ITGA8: variants seen among roughly 807,000 people sequenced by gnomAD.
ITGA8 encodes integrin subunit alpha 8.
In ITGA8, 91 loss-of-function variants were observed where a neutral mutation model predicts 142.3. That is an observed-to-expected ratio of 0.64 (90% CI 0.54 to 0.76). The LOEUF (loss-of-function observed/expected upper bound fraction) is 0.76, where lower values mean the gene tolerates loss of function less well. ITGA8 is among the 30% of genes least tolerant of loss of function. ITGA8 has a pLI of 0.00. For missense variants in ITGA8, 1,406 were observed against 1,327.7 expected, an observed-to-expected ratio of 1.06 and a Z score of -0.92; for synonymous variants, 505 against 485.2, an observed-to-expected ratio of 1.04 and a Z score of -0.54.
chr10:15,656,379 T>A (rs962464483), intron 10 of ITGA8, among the ~76,000 whole-genome samples: 1 of 152,036 alleles, frequency 6.6e-6, no homozygotes, highest in East Asian at 1.9e-4. Flanking sequence ...TTATTTATTT[T>A]TTGAGATGAA....
At chr10:15,660,983 ACGC>A in intron 8 of ITGA8, 61 bp from the exon 9 acceptor site, 5 of 1,346,108 alleles carry the variant, frequency 3.7e-6, no homozygotes, top group Non-Finnish European at 5.3e-6. Flanking sequence ...ACACACACAC[ACGC>A]CATATACTAA....
chr10:15,712,682 A>G (rs189276951), intron 2 of ITGA8, among the ~76,000 whole-genome samples: 12 of 152,290 alleles, frequency 7.9e-5, no homozygotes, highest in Admixed American at 1.3e-4. Context: ...CCCTGAGCTG[A>G]GCTTTTTCGT....
At chr10:15,632,269 G>A (rs1833697763) in intron 13 of ITGA8, among the ~76,000 whole-genome samples, 1 of 152,072 alleles carries the variant, frequency 6.6e-6, no homozygotes, top group African/African-American at 2.4e-5. Flanking sequence ...TCTTCAAAGG[G>A]GAGTCAGAAA....
At chr10:15,640,806 G>T (rs1833857227) in intron 13 of ITGA8, among the ~76,000 whole-genome samples, 1 of 152,180 alleles carries the variant, frequency 6.6e-6, no homozygotes, top group African/African-American at 2.4e-5. Flanking sequence ...GACTGAAAGA[G>T]GCTAACAGAG....
intron 8 of ITGA8, among the ~76,000 whole-genome samples, chr10:15,670,289 C>T (rs1470353393): frequency 6.6e-6 from 1 of 152,144 alleles, no homozygotes; most frequent in Non-Finnish European, 1.5e-5. Flanking sequence ...CATTTATTGC[C>T]TTGTATCTAA....
intron 2 of ITGA8, among the ~76,000 whole-genome samples, chr10:15,716,669 T>C (rs952968340): frequency 1.6e-5 from 1 of 61,754 alleles, no homozygotes; most frequent in African/African-American, 5.8e-5. Flanking sequence ...TAACCTATTG[T>C]ATTTTTTTTT....
chr10:15,657,509 C>CTTTTTTTTT lies in ITGA8; in HGVS notation c.948+1489_948+1490insAAAAAAAAA, dbSNP rs534714654. Among the ~76,000 whole-genome samples the CTTTTTTTTT allele has an allele frequency of 3.7e-3, 429 of 116,316 alleles. 19 individuals carry two copies. Among genetic ancestry groups the CTTTTTTTTT allele is most frequent in the South Asian group, 5.3e-3 (18 of 3,388 alleles). 76.3% of individuals were successfully genotyped at this position (116,316 alleles called of 152,430 possible). The stretch of plus-strand genomic sequence containing the variant: ...CTGCTGGTTTCTTTTTCTTTTCTTT[C>CTTTTTTTTT]ATTTTTTTTTTTTTTTTTTTTTAAC... On this transcript the variant is annotated intron_variant, in intron 10 of 29. Transcript: ENST00000378076.
intron 26 of ITGA8, among the ~76,000 whole-genome samples, chr10:15,554,750 T>TCTTTCTTTCTTTCTTTCTTTCTTTCTTTC (rs141466954): frequency 6.8e-6 from 1 of 147,498 alleles, no homozygotes; most frequent in African/African-American, 2.5e-5. Flanking sequence ...TTTCTTTCTT[T>TCTTTCTTTCTTTCTTTCTTTCTTTCTTTC]TTTTTTTAAT....
intron 12 of ITGA8, among the ~76,000 whole-genome samples, chr10:15,645,685 A>G (rs572047798): frequency 6.6e-6 from 1 of 152,344 alleles, no homozygotes; most frequent in East Asian, 1.9e-4. Context: ...TTCCAAGGCT[A>G]CTTTGTTACA....
chr10:15,546,627 C>T (rs1833675011), intron 27 of ITGA8, among the ~76,000 whole-genome samples: 3 of 151,684 alleles, frequency 2.0e-5, no homozygotes, highest in Admixed American at 6.6e-5. Context: ...ACAGCGCGAT[C>T]TGGTCTAAAA....
At chr10:15,547,902 A>G (rs1751339786) in intron 27 of ITGA8, among the ~76,000 whole-genome samples, 1 of 152,168 alleles carries the variant, frequency 6.6e-6, no homozygotes, top group African/African-American at 2.4e-5. Context: ...ACAGTGGACT[A>G]AGTACATTTT....
At chr10:15,665,875 T>C (rs1342224193) in intron 8 of ITGA8, among the ~76,000 whole-genome samples, 3 of 152,210 alleles carry the variant, frequency 2.0e-5, no homozygotes, top group Non-Finnish European at 2.9e-5. Context: ...CATTGATCTA[T>C]ATCTCTGTTT....
intron 20 of ITGA8, among the ~76,000 whole-genome samples, chr10:15,601,123 C>G (rs1013807437): frequency 6.6e-6 from 1 of 151,942 alleles, no homozygotes; most frequent in Non-Finnish European, 1.5e-5. Context: ...CCTGTAATCC[C>G]AGCTACCCGG....
chr10:15,604,057 G>T, intron 20 of ITGA8, 151 bp downstream of exon 20: 1 of 685,242 alleles, frequency 1.5e-6, no homozygotes, highest in Non-Finnish European at 2.5e-6. Context: ...CCTGCTTTGT[G>T]GCTCATTGCT....
At position 15,688,026 on chromosome 10, in the gene ITGA8, A is replaced by T. The variant is rs1459263489; in HGVS notation, c.356T>A (p.Ile119Asn). Reference protein sequence around the residue: ...IPFDTTNNRKIRVNGTKEPIE... With the variant: ...IPFDTTNNRKNRVNGTKEPIE... ...AGGTTCTTTGGTTCCATTAACTCTG[A>T]TCTTTCTGTTGTCTGTCAAAGAAGA... Residue 119 changes from isoleucine (I) to asparagine (N), a missense_variant, in exon 3 of 30, where the codon ATC becomes AAC. Ile to Asn is a moderately radical substitution (Grantham distance 149). Coordinates refer to ENST00000378076, the MANE Select transcript of ITGA8 (RefSeq NM_003638.3). 2 of 1,608,902 alleles carry T rather than the reference A, an allele frequency of 1.2e-6. No homozygotes were observed. Among genetic ancestry groups the T allele is most frequent in the Admixed American group, 1.7e-5 (1 of 59,968 alleles).
chr10:15,576,573 T>A (rs1267032622), intron 23 of ITGA8, among the ~76,000 whole-genome samples: 1 of 152,144 alleles, frequency 6.6e-6, no homozygotes, highest in Non-Finnish European at 1.5e-5. Flanking sequence ...TAGGGCCCTT[T>A]TAAAGGTATC....
rs758961511 is a variant in ITGA8 at position 15,604,397 on chromosome 10, C to T, written c.1971-42G>A. 30 of 1,505,158 alleles carry T rather than the reference C, an allele frequency of 2.0e-5. No individual in the cohort carries two copies. In the Admixed American group the frequency reaches 3.1e-4, roughly 15 times the overall value. 93.2% of individuals were successfully genotyped at this position (1,505,158 alleles called of 1,614,324 possible). On this transcript the variant is annotated intron_variant, in intron 19 of 29. Transcript: ENST00000378076. ...AAAAGAAGGATTAGGTACTCTACTTCTTGGCTTCGTGAATATTTTATTTAA... is the reference window on the plus strand; with the variant it reads ...AAAAGAAGGATTAGGTACTCTACTTTTTGGCTTCGTGAATATTTTATTTAA...
chr10:15,536,163 G>A (rs2131547114), intron 27 of ITGA8, among the ~76,000 whole-genome samples: 1 of 152,228 alleles, frequency 6.6e-6, no homozygotes, highest in East Asian at 1.9e-4. Flanking sequence ...AAGTCGGTGA[G>A]ACCAAGAACC....
At chr10:15,655,491 C>G in intron 10 of ITGA8, 85 bp from the exon 11 acceptor site, 2 of 925,772 alleles carry the variant, frequency 2.2e-6, no homozygotes, top group East Asian at 2.5e-5. Context: ...AAAGATTCAT[C>G]TCATTGTGGT....
Sources: allele counts gnomAD v4.1 joint callset (sites outside exome capture counted in the v4.1 genomes callset), GRCh38; gene constraint gnomAD v4.1.1; transcripts MANE v1.5; gene names NCBI Gene and HGNC (gene_info 2026-07-23, HGNC 2026-07-21).